Variants in PTK2 observed in about 807,000 individuals in gnomAD.
PTK2 encodes the protein focal adhesion kinase 1.
PTK2 carries 45 observed loss-of-function variants against 150.1 expected under a neutral mutation model. The observed-to-expected ratio is 0.30, with a 90% CI of 0.24 to 0.38. The LOEUF (loss-of-function observed/expected upper bound fraction) is 0.38. Ranked by LOEUF, PTK2 falls within the 10% of genes least tolerant of loss-of-function variation. The pLI, the probability that PTK2 is intolerant of heterozygous loss-of-function variation, is 1.00. For synonymous variants in PTK2, 432 were observed against 449.2 expected, an observed-to-expected ratio of 0.96 and a Z score of 0.48; for missense variants, 919 against 1,307.3, an observed-to-expected ratio of 0.70 and a Z score of 4.58.
chr8:140,671,688 C>T lies in PTK2; in HGVS notation c.2709+2610G>A, dbSNP rs531836685. Among the ~76,000 whole-genome samples, 84 of 146,180 alleles carry T rather than the reference C, an allele frequency of 5.7e-4. No individual in the cohort carries two copies. In the East Asian group the frequency reaches 7.1e-3, roughly 12 times the overall value. ...CAGCACTTTGGGAGGCCGAGGCGGG[C>T]GGATCACAAGGTCAGGAGATCAAGA... On this transcript the variant is annotated intron_variant, in intron 29 of 31. Coordinates refer to ENST00000522684, the Ensembl canonical transcript of PTK2.
At chr8:140,673,563 G>A (rs2100011867) in intron 29 of PTK2, among the ~76,000 whole-genome samples, 1 of 152,210 alleles carries the variant, frequency 6.6e-6, no homozygotes, top group Non-Finnish European at 1.5e-5. Flanking sequence ...GTCATTTTAA[G>A]TGGAAAGTAA....
chr8:140,839,962 G>A (rs1230914163), intron 7 of PTK2, among the ~76,000 whole-genome samples: 2 of 152,194 alleles, frequency 1.3e-5, no homozygotes, highest in Non-Finnish European at 2.9e-5. Flanking sequence ...GACATTTCTT[G>A]TCATAACAGA....
At chr8:140,784,831 T>C (rs2100083981) in intron 14 of PTK2, among the ~76,000 whole-genome samples, 1 of 152,234 alleles carries the variant, frequency 6.6e-6, no homozygotes, top group South Asian at 2.1e-4. Context: ...CTTATTTTTG[T>C]AGAGAAATAC....
chr8:140,871,599 GA>G (rs1164035196), intron 4 of PTK2, among the ~76,000 whole-genome samples: 1 of 152,218 alleles, frequency 6.6e-6, no homozygotes, highest in African/African-American at 2.4e-5. Flanking sequence ...AGGAGCTTGA[GA>G]TCAGCCTGGG....
At chr8:140,988,361 CTTA>C (rs763836539) in intron 1 of PTK2, among the ~76,000 whole-genome samples, 11 of 152,146 alleles carry the variant, frequency 7.2e-5, no homozygotes, top group Non-Finnish European at 8.8e-5. Flanking sequence ...TGAGATAAGA[CTTA>C]TTATAAAGCT....
At chr8:140,806,010 T>C (rs577895637) in intron 10 of PTK2, among the ~76,000 whole-genome samples, 107 of 152,288 alleles carry the variant, frequency 7.0e-4, no homozygotes, top group African/African-American at 2.5e-3. Flanking sequence ...TTCGTTGGGG[T>C]AGAACCATTT....
chr8:140,672,582 GGCAGGCTTGGCCACAGAGA>G, intron 29 of PTK2, among the ~76,000 whole-genome samples: 1 of 148,384 alleles, frequency 6.7e-6, no homozygotes, highest in Non-Finnish European at 1.5e-5. Context: ...GGCCACAGAG[GGCAGGCTTGGCCACAGAGA>G]GCAGGCTAGT....
chr8:140,936,881 T>C (rs1217428804), intron 1 of PTK2, among the ~76,000 whole-genome samples: 1 of 152,102 alleles, frequency 6.6e-6, no homozygotes, highest in Non-Finnish European at 1.5e-5. Flanking sequence ...TTTAACTTTC[T>C]AAGATGATAA....
intron 1 of PTK2, among the ~76,000 whole-genome samples, chr8:140,968,208 A>C (rs2154609573): frequency 6.6e-6 from 1 of 152,314 alleles, no homozygotes; most frequent in Admixed American, 6.5e-5. Flanking sequence ...AAAAACCAAT[A>C]TTAACAGTAA....
chr8:140,825,898 T>C (rs1462360545), intron 8 of PTK2, among the ~76,000 whole-genome samples: 5 of 152,242 alleles, frequency 3.3e-5, no homozygotes, highest in Non-Finnish European at 7.3e-5. Flanking sequence ...AATGTGTCTT[T>C]AAAACTACTA....
At chr8:140,914,220 C>T (rs1360175834) in intron 2 of PTK2, among the ~76,000 whole-genome samples, 1 of 151,860 alleles carries the variant, frequency 6.6e-6, no homozygotes, top group Non-Finnish European at 1.5e-5. Flanking sequence ...TGTTCAAATG[C>T]AAAATTAAAA....
At chr8:140,749,423 C>G (rs1156453149) in intron 17 of PTK2, among the ~76,000 whole-genome samples, 4 of 152,200 alleles carry the variant, frequency 2.6e-5, no homozygotes, top group Non-Finnish European at 1.5e-5. Flanking sequence ...AAACACAAAA[C>G]AGCACAAGGC....
At chr8:140,829,713 TA>T (rs1316817670) in intron 8 of PTK2, among the ~76,000 whole-genome samples, 1 of 152,134 alleles carries the variant, frequency 6.6e-6, no homozygotes, top group Non-Finnish European at 1.5e-5. Flanking sequence ...GGTACTGTGG[TA>T]AGTAATATAT....
intron 18 of PTK2, chr8:140,746,512 C>A (rs1432416215): frequency 5.8e-6 from 2 of 344,992 alleles, no homozygotes; most frequent in Non-Finnish European, 1.0e-5. Context: ...TGGCCATCTG[C>A]GGCTACCAAT....
intron 8 of PTK2, among the ~76,000 whole-genome samples, chr8:140,828,900 C>T (rs754855080): frequency 2.0e-5 from 3 of 152,332 alleles, no homozygotes; most frequent in Middle Eastern, 3.4e-3. Context: ...CATTCCCCTT[C>T]CACTGTGCCA....
At chr8:140,879,701 A>AC (rs67426509) in intron 3 of PTK2, 64 bp from the exon 4 acceptor site, 143 of 1,036,358 alleles carry the variant, frequency 1.4e-4, no homozygotes, top group South Asian at 4.9e-4. Flanking sequence ...AAAAAAAAAA[A>AC]CCAAAACAAA....
chr8:140,668,356 C>T (rs1421436539), exon 30 of PTK2: 2 of 1,614,092 alleles, frequency 1.2e-6, no homozygotes, highest in African/African-American at 1.3e-5. Flanking sequence ...CCGTCACATT[C>T]TCGTACACCT....
intron 2 of PTK2, among the ~76,000 whole-genome samples, chr8:140,891,948 G>A (rs1355490806): frequency 1.3e-5 from 2 of 152,176 alleles, no homozygotes; most frequent in African/African-American, 4.8e-5. Flanking sequence ...GCTCATGCCT[G>A]TAATCCCAGC....
At chr8:140,850,467 T>C (rs2100128538) in intron 5 of PTK2, among the ~76,000 whole-genome samples, 1 of 150,428 alleles carries the variant, frequency 6.6e-6, no homozygotes, top group South Asian at 2.1e-4. Flanking sequence ...GGCTTATGTC[T>C]GTAATCCCAG....
Sources: gnomAD v4.1 joint callset for allele counts (sites outside exome capture counted in the v4.1 genomes callset) on GRCh38, gnomAD v4.1.1 for gene constraint, MANE v1.5 for transcripts, NCBI Gene and HGNC (gene_info 2026-07-23, HGNC 2026-07-21) for gene names.